Variants in ZNF841 observed in about 807,000 individuals in gnomAD.
ZNF841 encodes the protein TCONS_00006091.
ZNF841 carries 11 observed loss-of-function variants against 13.0 expected under a neutral mutation model. That is an observed-to-expected ratio of 0.85 (90% CI 0.53 to 1.40). ZNF841 has a LOEUF of 1.40. Ranked by LOEUF, ZNF841 falls within the 40% of genes most tolerant of loss-of-function variation. The pLI is 0.00. For missense variants in ZNF841, 1,068 were observed against 1,139.5 expected (o/e 0.94, Z 0.90); for synonymous variants, 369 against 381.6 (o/e 0.97, Z 0.38).
At chr19:52,060,467 G>A (rs1357387126), downstream of ZNF841, among the ~76,000 whole-genome samples, 3 of 152,174 alleles carry the variant, frequency 2.0e-5, no homozygotes, top group Admixed American at 6.5e-5. Flanking sequence ...CCACCGCTTG[G>A]TTAAGGTGAG....
At chr19:52,074,516 G>C (rs1055427969) in intron 6 of ZNF841, among the ~76,000 whole-genome samples, 11 of 152,072 alleles carry the variant, frequency 7.2e-5, no homozygotes, top group Admixed American at 7.2e-4. Flanking sequence ...TGTTCTTCCC[G>C]GGAGAAATTT....
intron 4 of ZNF841, among the ~76,000 whole-genome samples, chr19:52,082,759 C>T (rs192083678): frequency 3.9e-5 from 6 of 152,224 alleles, no homozygotes; most frequent in East Asian, 1.9e-4. Context: ...ATGCAAAATA[C>T]GCTATTAGTG....
At chr19:52,069,096 T>C (rs2087670927) in intron 6 of ZNF841, among the ~76,000 whole-genome samples, 1 of 152,186 alleles carries the variant, frequency 6.6e-6, no homozygotes, top group African/African-American at 2.4e-5. Context: ...TTGGCTGAGA[T>C]GGAGTCTCAC....
chr19:52,090,280 G>A (rs537974370), intron 2 of ZNF841, among the ~76,000 whole-genome samples: 44 of 152,262 alleles, frequency 2.9e-4, no homozygotes, highest in African/African-American at 1.1e-3. Flanking sequence ...ATATTGAAGA[G>A]GCCAGGAAAG....
At position 52,066,621 on chromosome 19, in the gene ZNF841, T is replaced by C. The variant is rs1568535517; in HGVS notation, c.1261A>G (p.Ile421Val). The change falls in exon 7 of 7, where the codon ATA becomes GTA. Residue 421 changes from isoleucine to valine, a missense_variant. Transcript: ENST00000594440. ...TATGGTTTCTTTCCTGCATGGATTATATGATGTGCAGTGAGGCTTGAGTTC... is the reference window on the plus strand; with the variant it reads ...TATGGTTTCTTTCCTGCATGGATTACATGATGTGCAGTGAGGCTTGAGTTC... Reference protein sequence around the residue: ...KRNSSLTAHHIIHAGKKPYTC... With the variant: ...KRNSSLTAHHVIHAGKKPYTC... 1 of 1,613,754 alleles carries C rather than the reference T, an allele frequency of 6.2e-7. No individual in the cohort carries two copies. Among genetic ancestry groups the C allele is most frequent in the Non-Finnish European group, 8.5e-7 (1 of 1,179,814 alleles).
chr19:52,090,634 G>GAAA (rs2088441727), intron 2 of ZNF841, among the ~76,000 whole-genome samples: 7 of 83,940 alleles, frequency 8.3e-5, no homozygotes, highest in Admixed American at 2.8e-4. Context: ...AAAGAAAGAA[G>GAAA]GAAGGAAGGA....
intron 6 of ZNF841, among the ~76,000 whole-genome samples, chr19:52,074,506 T>G (rs906927403): frequency 7.2e-5 from 11 of 152,048 alleles, no homozygotes; most frequent in Admixed American, 1.3e-4. Flanking sequence ...ACCTGGACAA[T>G]GTTCTTCCCG....
intron 4 of ZNF841, among the ~76,000 whole-genome samples, chr19:52,081,141 A>T (rs2088086277): frequency 6.6e-6 from 1 of 152,216 alleles, no homozygotes; most frequent in African/African-American, 2.4e-5. Context: ...CCCTTATATA[A>T]AAAGGCATAG....
intron 3 of ZNF841, among the ~76,000 whole-genome samples, chr19:52,085,121 C>T (rs891563979): frequency 6.6e-6 from 1 of 152,160 alleles, no homozygotes; most frequent in Admixed American, 6.5e-5. Context: ...CTGGACTATG[C>T]TTCCCTTCAG....
intron 4 of ZNF841, among the ~76,000 whole-genome samples, chr19:52,078,616 A>G (rs559356651): frequency 4.7e-5 from 7 of 150,298 alleles, no homozygotes; most frequent in East Asian, 2.0e-4. Flanking sequence ...GGAGAATGGC[A>G]TGAACCCGGG....
Position 52,064,907 on chromosome 19 carries a change from T to A in ZNF841, c.*200A>T, listed in dbSNP as rs535923398. The A allele has an allele frequency of 2.5e-5, 10 of 404,728 alleles. No individual in the cohort carries two copies. Among genetic ancestry groups the A allele is most frequent in the African/African-American group, 2.1e-4 (10 of 48,628 alleles). The allele number at this position is 404,728 out of a possible 1,614,324, so 25.1% of individuals were successfully genotyped here. ...CCTCAGCCTCCCAAAGTGCTGGGATTACAGGCATGAGCCAGACCTCATGAG... is the reference window on the plus strand; with the variant it reads ...CCTCAGCCTCCCAAAGTGCTGGGATAACAGGCATGAGCCAGACCTCATGAG... On this transcript the variant is annotated 3_prime_UTR_variant, in exon 7 of 7. Transcript: ENST00000594440.
chr19:52,088,602 A>G (rs868122253), intron 3 of ZNF841, among the ~76,000 whole-genome samples: 3 of 152,198 alleles, frequency 2.0e-5, no homozygotes, highest in Non-Finnish European at 4.4e-5. Flanking sequence ...ATTCAATCAT[A>G]ACTGCATTAA....
At chr19:52,070,319 C>G (rs1208074789) in intron 6 of ZNF841, among the ~76,000 whole-genome samples, 1 of 152,120 alleles carries the variant, frequency 6.6e-6, no homozygotes, top group East Asian at 1.9e-4. Context: ...GAATAAAAGA[C>G]AAGAGACAAA....
rs759615148 is a variant in ZNF841, at chr19:52,065,481, C to T, written c.2401G>A (p.Ala801Thr). Residue 801 changes from alanine (A) to threonine (T), a missense_variant, in exon 7 of 7, where the codon GCC (alanine) becomes ACC (threonine). Transcript: ENST00000594440. ...AGCAGAATTGAACGTACTCTAAAGGCTTTGCCACACTCATTACATTTGTAA... is the reference window on the plus strand; with the variant it reads ...AGCAGAATTGAACGTACTCTAAAGGTTTTGCCACACTCATTACATTTGTAA... ...KPYKCNECGKAFRVRSILLNH... is the reference protein window; with the variant it reads ...KPYKCNECGKTFRVRSILLNH... 4 of 1,613,816 alleles carry T rather than the reference C, an allele frequency of 2.5e-6. No individual in the cohort carries two copies. Among genetic ancestry groups the T allele is most frequent in the African/African-American group, 1.3e-5 (1 of 74,888 alleles).
rs1568549624 is a variant in ZNF841 at position 52,090,659 on chromosome 19, GAAAGAAA to G, written c.-143-1664_-143-1658del. On this transcript the variant is annotated intron_variant, in intron 2 of 6. Transcript: ENST00000594440. ...GGAAGGAAGGAAGGAAGGAAGGAAA[GAAAGAAA>G]GAAAGAAAGAAAGAAAGAAAGAAAG... Among the ~76,000 whole-genome samples the G allele has an allele frequency of 1.3e-3, 140 of 109,122 alleles. 1 individual carries two copies. The highest frequency in any genetic ancestry group is 3.8e-3 in the East Asian group (14 of 3,646). The allele number at this position is 109,122 out of a possible 152,430, so 71.6% of individuals were successfully genotyped here. A position where few individuals can be genotyped will look rare whatever the true frequency, so the allele number is the denominator to read the frequency against.
Position 52,066,433 on chromosome 19 carries a change from T to C in ZNF841, c.1449A>G (p.Lys483=), listed in dbSNP as rs2087564181. The change falls in exon 7 of 7, where the codon AAA becomes AAG. Residue 483 remains lysine, a synonymous_variant. Transcript: ENST00000594440. ...TGCCACATTCATTACATTTGTAGGG[T>C]TTCTCTCCAGTATGAATTCTCCGGT... ...AGHRRIHTGE[K]PYKCNECGKV... is the part of the protein sequence containing the mutation. The C allele has an allele frequency of 3.1e-6, 5 of 1,613,836 alleles. No individual in the cohort carries two copies. The highest frequency in any genetic ancestry group is 4.2e-6 in the Non-Finnish European group (5 of 1,179,968).
chr19:52,081,352 T>A (rs777663221), intron 4 of ZNF841, among the ~76,000 whole-genome samples: 1 of 152,236 alleles, frequency 6.6e-6, no homozygotes, highest in Non-Finnish European at 1.5e-5. Context: ...TAGTTCATAG[T>A]TGGCTCCATC....
At chr19:52,085,465 C>T (rs4145658) in intron 3 of ZNF841, among the ~76,000 whole-genome samples, 57,003 of 152,122 alleles carry the variant, frequency 0.37, 11,391 homozygotes, top group South Asian at 0.6. Flanking sequence ...TGGGGCTTCA[C>T]TGTTACCAGT....
chr19:52,067,021 T>C lies in ZNF841; in HGVS notation c.861A>G (p.Lys287=). The C allele has an allele frequency of 1.2e-6, 2 of 1,613,962 alleles. No individual in the cohort carries two copies. Among genetic ancestry groups the C allele is most frequent in the East Asian group, 2.2e-5 (1 of 44,876 alleles). Residue 287 remains lysine, a synonymous_variant, in exon 7 of 7, where the codon AAA becomes AAG. Coordinates refer to ENST00000594440, the MANE Select transcript of ZNF841 (RefSeq NM_001136499.2). ...INHQMIHTTE[K]PYRCNESGKA... The stretch of plus-strand genomic sequence containing the variant: ...TACCAGACTCATTGCATCTGTAAGG[T>C]TTCTCTGTAGTATGTATCATCTGAT...
Sources: gnomAD v4.1 joint callset for allele counts (sites outside exome capture counted in the v4.1 genomes callset) on GRCh38, gnomAD v4.1.1 for gene constraint, MANE v1.5 for transcripts, NCBI Gene and HGNC (gene_info 2026-07-23, HGNC 2026-07-21) for gene names.